PDE4D: variants seen among roughly 807,000 people sequenced by gnomAD.
PDE4D encodes the protein 3',5'-cyclic-AMP phosphodiesterase 4D.
Under a neutral mutation model 87.4 loss-of-function variants are expected in PDE4D, and 24 were observed. The observed-to-expected ratio is 0.27, with a 90% CI of 0.20 to 0.39. The LOEUF (loss-of-function observed/expected upper bound fraction) is 0.39, where lower values mean the gene tolerates loss of function less well. PDE4D is among the 10% of genes least tolerant of loss of function. PDE4D has a pLI of 1.00. For missense variants in PDE4D, 714 were observed against 1,041.0 expected (o/e 0.69, Z 4.32); for synonymous variants, 384 against 383.2 (o/e 1.00, Z -0.02).
chr5:59,536,570 T>G (rs1815313763), intron 1 of PDE4D, among the ~76,000 whole-genome samples: 1 of 146,818 alleles, frequency 6.8e-6, no homozygotes, highest in South Asian at 2.2e-4. Flanking sequence ...ATTTTCCACA[T>G]GAATGTTGGA....
intron 1 of PDE4D, among the ~76,000 whole-genome samples, chr5:59,312,962 G>C (rs1772987352): frequency 6.6e-6 from 1 of 152,098 alleles, no homozygotes; most frequent in Non-Finnish European, 1.5e-5. Flanking sequence ...GCCCCACACA[G>C]CCTGCCCTCT....
At chr5:59,544,090 G>A (rs1358620992) in intron 1 of PDE4D, among the ~76,000 whole-genome samples, 1 of 152,134 alleles carries the variant, frequency 6.6e-6, no homozygotes, top group African/African-American at 2.4e-5. Flanking sequence ...TCACAACTGG[G>A]GCATGCAGAC....
chr5:60,263,643 T>C (rs943658995), intron 1 of PDE4D, among the ~76,000 whole-genome samples: 6 of 152,200 alleles, frequency 3.9e-5, no homozygotes, highest in Admixed American at 3.3e-4. Context: ...ACCCGTTTAA[T>C]GTAAGCTCAA....
Position 59,059,863 on chromosome 5 carries a change from T to C in PDE4D, c.809-20892A>G, listed in dbSNP as rs773418886. Among the ~76,000 whole-genome samples, 87 of 152,146 alleles carry C rather than the reference T, an allele frequency of 5.7e-4. 1 individual carries two copies. Among genetic ancestry groups the C allele is most frequent in the Non-Finnish European group, 1.1e-3 (77 of 68,020 alleles). The stretch of plus-strand genomic sequence containing the variant: ...TATGCAGGATTATTAATAGGCAACA[T>C]TGTGGCAGAGACTGCTAAATGTCCC... On this transcript the variant is annotated intron_variant, in intron 5 of 14. Coordinates refer to ENST00000340635, the MANE Select transcript of PDE4D (RefSeq NM_001104631.2).
chr5:60,086,160 T>C (rs930484030), intron 2 of PDE4D, among the ~76,000 whole-genome samples: 1 of 152,212 alleles, frequency 6.6e-6, no homozygotes, highest in Non-Finnish European at 1.5e-5. Context: ...TTTGATGATT[T>C]ATGTTAAGAA....
At chr5:59,227,471 T>C (rs967668393) in intron 1 of PDE4D, among the ~76,000 whole-genome samples, 6 of 151,672 alleles carry the variant, frequency 4.0e-5, no homozygotes, top group African/African-American at 1.2e-4. Flanking sequence ...ACCTACAGAA[T>C]GGGAGAAAAT....
intron 1 of PDE4D, among the ~76,000 whole-genome samples, chr5:59,334,247 G>GGTTTTT (rs1777242239): frequency 2.0e-5 from 2 of 98,610 alleles, no homozygotes; most frequent in Admixed American, 1.1e-4. Flanking sequence ...ATCCAGTGGA[G>GGTTTTT]TTTTTTTTTT....
intron 1 of PDE4D, among the ~76,000 whole-genome samples, chr5:59,397,862 G>C (rs1789765757): frequency 8.1e-6 from 1 of 122,804 alleles, no homozygotes; most frequent in African/African-American, 3.3e-5. Flanking sequence ...AAAGAGAGAA[G>C]AATCAAATAG....
chr5:59,129,072 A>C (rs1775914869), intron 5 of PDE4D, among the ~76,000 whole-genome samples: 1 of 152,202 alleles, frequency 6.6e-6, no homozygotes, highest in Admixed American at 6.5e-5. Flanking sequence ...CCACTTGCCA[A>C]GGGAGTTTCC....
intron 2 of PDE4D, chr5:60,127,491 A>G (rs1387496324): frequency 4.8e-6 from 2 of 419,056 alleles, no homozygotes; most frequent in African/African-American, 4.1e-5. Flanking sequence ...GCCAGCACAG[A>G]CAGGCCGGCC....
chr5:59,183,496 C>T (rs531926887), intron 4 of PDE4D, among the ~76,000 whole-genome samples: 1 of 152,190 alleles, frequency 6.6e-6, no homozygotes, highest in South Asian at 2.1e-4. Context: ...ACCCAGGTGA[C>T]CACATGTAAA....
At chr5:59,104,552 A>G (rs1437266877) in intron 5 of PDE4D, among the ~76,000 whole-genome samples, 1 of 152,226 alleles carries the variant, frequency 6.6e-6, no homozygotes, top group Non-Finnish European at 1.5e-5. Context: ...ATTTTACCAC[A>G]GCCCCATGTA....
At chr5:59,860,588 G>A (rs963801918) in intron 1 of PDE4D, among the ~76,000 whole-genome samples, 1 of 152,124 alleles carries the variant, frequency 6.6e-6, no homozygotes, top group East Asian at 1.9e-4. Flanking sequence ...ATGAAAATAG[G>A]TTTAAATCCT....
intron 2 of PDE4D, among the ~76,000 whole-genome samples, chr5:60,052,816 A>C (rs1770336962): frequency 6.6e-6 from 1 of 152,220 alleles, no homozygotes; most frequent in African/African-American, 2.4e-5. Flanking sequence ...AAATCTCCTT[A>C]AGCTGATAAG....
At chr5:60,214,827 A>C (rs987962399) in intron 1 of PDE4D, among the ~76,000 whole-genome samples, 1 of 152,216 alleles carries the variant, frequency 6.6e-6, no homozygotes, top group African/African-American at 2.4e-5. Context: ...AGGAAGAAAG[A>C]AAGCTTCTAA....
chr5:60,515,601 C>CTT (rs954970783), intron 1 of PDE4D, among the ~76,000 whole-genome samples: 3,086 of 106,618 alleles, frequency 0.029, 77 homozygotes, highest in African/African-American at 0.035. Flanking sequence ...TTTTCTTTTT[C>CTT]TTTTTTTTTT....
intron 2 of PDE4D, among the ~76,000 whole-genome samples, chr5:60,006,097 C>G (rs755530366): frequency 6.6e-6 from 1 of 151,656 alleles, no homozygotes; most frequent in Non-Finnish European, 1.5e-5. Flanking sequence ...AAAGGACTTA[C>G]AGATGAAGAA....
At chr5:60,038,137 T>C (rs989761586) in intron 2 of PDE4D, among the ~76,000 whole-genome samples, 1 of 152,108 alleles carries the variant, frequency 6.6e-6, no homozygotes, top group Admixed American at 6.6e-5. Flanking sequence ...AATTAGATCC[T>C]ATTTGTCAAT....
intron 1 of PDE4D, among the ~76,000 whole-genome samples, chr5:59,439,617 G>T (rs1413904524): frequency 6.6e-6 from 1 of 152,178 alleles, no homozygotes; most frequent in African/African-American, 2.4e-5. Flanking sequence ...CATTCCAGTA[G>T]AGATAGGTAA....
Sources: gnomAD v4.1 joint callset for allele counts (sites outside exome capture counted in the v4.1 genomes callset) on GRCh38, gnomAD v4.1.1 for gene constraint, MANE v1.5 for transcripts, NCBI Gene and HGNC (gene_info 2026-07-23, HGNC 2026-07-21) for gene names.